Variants in RRAGA observed in about 807,000 individuals in gnomAD.
RRAGA encodes the protein Ras related GTP binding A.
Under a neutral mutation model 20.5 loss-of-function variants are expected in RRAGA, and 11 were observed. The ratio of observed to expected loss-of-function variants is 0.54; its 90% confidence interval spans 0.34 to 0.89. The LOEUF is 0.89. Ranked by LOEUF, RRAGA falls within the 40% of genes least tolerant of loss-of-function variation. The pLI is 0.02. For synonymous variants in RRAGA, 184 were observed against 155.4 expected, an observed-to-expected ratio of 1.18 and a Z score of -1.37; for missense variants, 214 against 400.7, an observed-to-expected ratio of 0.53 and a Z score of 3.98.
rs1158651654 is a variant in RRAGA, at chr9:19,050,522, T to G, written c.863T>G (p.Ile288Ser). 1 of 1,614,184 alleles carries G rather than the reference T, an allele frequency of 6.2e-7. No homozygotes were observed. Among genetic ancestry groups the G allele is most frequent in the South Asian group, 1.1e-5 (1 of 91,080 alleles). Residue 288 changes from isoleucine to serine, a missense_variant, in exon 1 of 1, where the codon ATC (isoleucine) becomes AGC (serine). By Grantham distance (142) the Ile-to-Ser change is moderately radical (BLOSUM62 -2). Coordinates refer to ENST00000380527, the MANE Select transcript of RRAGA (RefSeq NM_006570.5). ...TCGATCCCTTCTGCGGCCACTCTGATCAACATTCGCAATGCCCGGAAACAC... is the reference window on the plus strand; with the variant it reads ...TCGATCCCTTCTGCGGCCACTCTGAGCAACATTCGCAATGCCCGGAAACAC... ...DPSIPSAATLINIRNARKHFE... is the reference protein window; with the variant it reads ...DPSIPSAATLSNIRNARKHFE...
Position 19,049,676 on chromosome 9 carries a change from T to C in RRAGA, c.17T>C (p.Met6Thr). 1 of 1,613,480 alleles carries C rather than the reference T, an allele frequency of 6.2e-7. No individual in the cohort carries two copies. Among genetic ancestry groups the C allele is most frequent in the Non-Finnish European group, 8.5e-7 (1 of 1,179,610 alleles). MPNTA[M>T]KKKVLLMGKS... The stretch of plus-strand genomic sequence containing the variant: ...CGGCGGGTGATGCCAAATACAGCCA[T>C]GAAGAAAAAGGTGCTGCTGATGGGG... The change falls in exon 1 of 1, where the codon ATG (methionine) becomes ACG (threonine). Residue 6 changes from methionine to threonine, a missense_variant. This residue lies in a region of RRAGA where 18 missense variants were observed against 16.9 expected (regional missense o/e 1.07). Coordinates refer to ENST00000380527, the MANE Select transcript of RRAGA (RefSeq NM_006570.5). This position sits in a 1 kb window ranked among gnomAD's most constrained non-coding sequence, Gnocchi z 5.4.
At position 19,050,328 on chromosome 9, in the gene RRAGA, C is replaced by T. The variant is rs1485967294; in HGVS notation, c.669C>T (p.Arg223=). 3 of 1,614,152 alleles carry T rather than the reference C, an allele frequency of 1.9e-6. No homozygotes were observed. Among genetic ancestry groups the T allele is most frequent in the Non-Finnish European group, 2.5e-6 (3 of 1,180,044 alleles). ...CCCACTACCAGTGCAAAGAGCAGCG[C>T]GACGTCCACCGGTTTGAGAAGATCA... The part of the protein sequence containing the change: ...VISHYQCKEQ[R]DVHRFEKISN... The change falls in exon 1 of 1, where the codon CGC becomes CGT. Residue 223 remains arginine (R), a synonymous_variant. Coordinates refer to ENST00000380527, the MANE Select transcript of RRAGA (RefSeq NM_006570.5).
At position 19,050,030 on chromosome 9, in the gene RRAGA, GC is replaced by G; in HGVS notation, c.373del (p.Leu125TrpfsTer15). 6.2e-7 allele frequency: 1 copy of G among 1,614,166 alleles called. No individual in the cohort carries two copies. Among genetic ancestry groups the G allele is most frequent in the Non-Finnish European group, 8.5e-7 (1 of 1,180,032 alleles). On this transcript the variant is annotated frameshift_variant, in exon 1 of 1. Transcript: ENST00000380527. LOFTEE classifies it high-confidence loss of function. ...AACTCTCCTGACGCCAAAATCTTCT[GC>G]CTGGTGCACAAAATGGATCTGGTTC... is the stretch of plus-strand genomic sequence containing the variant. ...LQNSPDAKIF[C>X]LVHKMDLVQE...
rs1420766783 is a variant in RRAGA at position 19,049,941 on chromosome 9, G to A, written c.282G>A (p.Val94=). The A allele has an allele frequency of 6.2e-7, 1 of 1,614,152 alleles. No homozygotes were observed. The highest frequency in any genetic ancestry group is 1.7e-5 in the Admixed American group (1 of 60,014). Residue 94 remains valine (V), a synonymous_variant, in exon 1 of 1, where the codon GTG becomes GTA. Transcript: ENST00000380527. This position sits in a 1 kb window ranked among gnomAD's most constrained non-coding sequence, Gnocchi z 5.4. ...AAGTTTTGATTTACGTGTTTGACGT[G>A]GAGAGCCGCGAACTGGAAAAGGACA... ...NVEVLIYVFD[V]ESRELEKDMH...
At position 19,050,795 on chromosome 9, in the gene RRAGA, A is replaced by G; in HGVS notation, c.*194A>G. 1 of 608,776 alleles carries G rather than the reference A, an allele frequency of 1.6e-6. No homozygotes were observed. The highest frequency in any genetic ancestry group is 2.9e-6 in the Non-Finnish European group (1 of 342,302). The allele number at this position is 608,776 out of a possible 1,614,324, so 37.7% of individuals were successfully genotyped here. A position where few individuals can be genotyped will look rare whatever the true frequency, so the allele number is the denominator to read the frequency against. On this transcript the variant is annotated 3_prime_UTR_variant, in exon 1 of 1. Coordinates refer to ENST00000380527, the MANE Select transcript of RRAGA (RefSeq NM_006570.5). Reference sequence around the variant, plus strand: ...TACTCAGCTACCCAGTAGAGCTTGAAGCTGACCTTTCTGAGAAGTTGGTAT... The same window carrying G: ...TACTCAGCTACCCAGTAGAGCTTGAGGCTGACCTTTCTGAGAAGTTGGTAT...
In RRAGA at chr9:19,049,800, C is replaced by T; in HGVS notation, c.141C>T (p.His47=). 1.2e-6 allele frequency: 2 copies of T among 1,614,186 alleles called. No homozygotes were observed. Among genetic ancestry groups the T allele is most frequent in the Non-Finnish European group, 8.5e-7 (1 of 1,180,028 alleles). The part of the protein sequence containing the change: ...RRLGATIDVE[H]SHVRFLGNLV... The stretch of plus-strand genomic sequence containing the variant: ...TGGGGGCCACCATTGACGTGGAACA[C>T]TCCCACGTCCGATTCCTAGGGAACC... Residue 47 remains histidine, a synonymous_variant, in exon 1 of 1, where the codon CAC becomes CAT. Coordinates refer to ENST00000380527, the MANE Select transcript of RRAGA (RefSeq NM_006570.5). The surrounding 1 kb of genome is among the most constrained non-coding windows in gnomAD (Gnocchi z 5.4).
chr9:19,049,969 C>CATT lies in RRAGA; in HGVS notation c.315_317dup (p.Tyr106dup), dbSNP rs1312845606. 6.2e-7 allele frequency: 1 copy of CATT among 1,614,134 alleles called. No homozygotes were observed. On this transcript the variant is annotated inframe_insertion, in exon 1 of 1. Coordinates refer to ENST00000380527, the MANE Select transcript of RRAGA (RefSeq NM_006570.5). This position sits in a 1 kb window ranked among gnomAD's most constrained non-coding sequence, Gnocchi z 5.4. ...GAGCCGCGAACTGGAAAAGGACATG[C>CATT]ATTATTACCAGTCGTGTCTGGAGGC...
chr9:19,050,019 C>G lies in RRAGA; in HGVS notation c.360C>G (p.Ala120=). The G allele has an allele frequency of 6.2e-7, 1 of 1,614,172 alleles. No individual in the cohort carries two copies. The highest frequency in any genetic ancestry group is 8.5e-7 in the Non-Finnish European group (1 of 1,180,034). ...LEAILQNSPD[A]KIFCLVHKMD... ...CCATCCTCCAGAACTCTCCTGACGCCAAAATCTTCTGCCTGGTGCACAAAA... is the reference window on the plus strand; with the variant it reads ...CCATCCTCCAGAACTCTCCTGACGCGAAAATCTTCTGCCTGGTGCACAAAA... Residue 120 remains alanine, a synonymous_variant, in exon 1 of 1, where the codon GCC becomes GCG. Coordinates refer to ENST00000380527, the MANE Select transcript of RRAGA (RefSeq NM_006570.5).
rs374326262 is a variant in RRAGA, at chr9:19,049,651, C to A, written c.-9C>A. On this transcript the variant is annotated 5_prime_UTR_variant, in exon 1 of 1. Coordinates refer to ENST00000380527, the MANE Select transcript of RRAGA (RefSeq NM_006570.5). The surrounding 1 kb of genome is among the most constrained non-coding windows in gnomAD (Gnocchi z 5.4). ...CCCTCAGGCCCAGTCCGCGGTGCCC[C>A]GGCGGGTGATGCCAAATACAGCCAT... 6.2e-7 allele frequency: 1 copy of A among 1,602,502 alleles called. No homozygotes were observed.
Position 19,049,654 on chromosome 9 carries a change from C to A in RRAGA, c.-6C>A. ...TCAGGCCCAGTCCGCGGTGCCCCGG[C>A]GGGTGATGCCAAATACAGCCATGAA... On this transcript the variant is annotated 5_prime_UTR_variant, in exon 1 of 1. Transcript: ENST00000380527. The surrounding 1 kb of genome is among the most constrained non-coding windows in gnomAD (Gnocchi z 5.4). The A allele has an allele frequency of 1.9e-6, 3 of 1,604,088 alleles. No individual in the cohort carries two copies. Among genetic ancestry groups the A allele is most frequent in the Non-Finnish European group, 2.6e-6 (3 of 1,173,780 alleles).
At position 19,049,692 on chromosome 9, in the gene RRAGA, G is replaced by A. The variant is rs762716867; in HGVS notation, c.33G>A (p.Leu11=). The change falls in exon 1 of 1, where the codon CTG becomes CTA. Residue 11 remains leucine, a synonymous_variant. Transcript: ENST00000380527. The surrounding 1 kb of genome is among the most constrained non-coding windows in gnomAD (Gnocchi z 5.4). The stretch of plus-strand genomic sequence containing the variant: ...ATACAGCCATGAAGAAAAAGGTGCT[G>A]CTGATGGGGAAGAGCGGGTCGGGGA... The part of the protein sequence containing the change: MPNTAMKKKV[L]LMGKSGSGKT... 6.2e-7 allele frequency: 1 copy of A among 1,613,920 alleles called. No individual in the cohort carries two copies. Among genetic ancestry groups the A allele is most frequent in the Non-Finnish European group, 8.5e-7 (1 of 1,179,940 alleles).
chr9:19,050,495 C>G lies in RRAGA; in HGVS notation c.836C>G (p.Pro279Arg), dbSNP rs1836327322. 3 of 1,614,106 alleles carry G rather than the reference C, an allele frequency of 1.9e-6. No individual in the cohort carries two copies. The highest frequency in any genetic ancestry group is 2.5e-6 in the Non-Finnish European group (3 of 1,180,014). The change falls in exon 1 of 1, where the codon CCG becomes CGG. Residue 279 changes from proline to arginine, a missense_variant. Around this residue, in one of 4 missense-constraint regions of RRAGA, gnomAD observed 68 missense variants for 83.9 expected, o/e 0.81. Transcript: ENST00000380527. ...TACGTGATGGTGGTCATGTCAGATC[C>G]GTCGATCCCTTCTGCGGCCACTCTG... ...NTYVMVVMSD[P>R]SIPSAATLIN...
rs762887768 is a variant in RRAGA, at chr9:19,050,605, T to C, written c.*4T>C. 2 of 1,608,610 alleles carry C rather than the reference T, an allele frequency of 1.2e-6. No homozygotes were observed. Among genetic ancestry groups the C allele is most frequent in the Non-Finnish European group, 1.7e-6 (2 of 1,175,844 alleles). ...GCACAGTCTCCTTATGCGTTGAATA[T>C]TGCCAAATGCTCTTTCTGAAAATGC... On this transcript the variant is annotated 3_prime_UTR_variant, in exon 1 of 1. Transcript: ENST00000380527.
Position 19,050,752 on chromosome 9 carries a change from T to A in RRAGA, c.*151T>A. 2.7e-6 allele frequency: 2 copies of A among 747,824 alleles called. No individual in the cohort carries two copies. Among genetic ancestry groups the A allele is most frequent in the Non-Finnish European group, 4.4e-6 (2 of 459,242 alleles). The allele number at this position is 747,824 out of a possible 1,614,324, so 46.3% of individuals were successfully genotyped here. On this transcript the variant is annotated 3_prime_UTR_variant, in exon 1 of 1. Coordinates refer to ENST00000380527, the MANE Select transcript of RRAGA (RefSeq NM_006570.5). ...TCTTTCTCCCCGCTTCCCCAGTCTT[T>A]AAACATTGGACGCTATTTACTCAGC...
At position 19,049,434 on chromosome 9, in the gene RRAGA, C is replaced by T. The variant is rs887612179; in HGVS notation, c.-226C>T. 7 of 439,936 alleles carry T rather than the reference C, an allele frequency of 1.6e-5. No homozygotes were observed. Among genetic ancestry groups the T allele is most frequent in the Admixed American group, 4.3e-5 (1 of 23,056 alleles). 27.3% of individuals were successfully genotyped at this position (439,936 alleles called of 1,614,324 possible). ...CCCTCCCGGAAAGCGAGCGTATCTC[C>T]CGAGCCGTTGCCACTGACAGCCGCG... On this transcript the variant is annotated 5_prime_UTR_variant, in exon 1 of 1. Transcript: ENST00000380527. The surrounding 1 kb of genome is among the most constrained non-coding windows in gnomAD (Gnocchi z 5.4).
chr9:19,050,676 TGTC>T lies in RRAGA; in HGVS notation c.*78_*80del. ...CATCCTTTATTTTTAATATTCATAATGTCGTGTGCTTAAAAGTGGGCTTTGAAG... is the reference window on the plus strand; with the variant it reads ...CATCCTTTATTTTTAATATTCATAATGTGTGCTTAAAAGTGGGCTTTGAAG... On this transcript the variant is annotated 3_prime_UTR_variant, in exon 1 of 1. Coordinates refer to ENST00000380527, the MANE Select transcript of RRAGA (RefSeq NM_006570.5). 1.4e-6 allele frequency: 2 copies of T among 1,408,774 alleles called. No homozygotes were observed. Among genetic ancestry groups the T allele is most frequent in the South Asian group, 2.5e-5 (2 of 79,642 alleles). 87.3% of individuals were successfully genotyped at this position (1,408,774 alleles called of 1,614,324 possible).
Position 19,049,605 on chromosome 9 carries a change from C to G in RRAGA, c.-55C>G. Reference sequence around the variant, plus strand: ...CCCCGGCAGCCCCCGACCCCTCCCTCGGCGCTGCGTGTAGGCCGCGCCCTC... The same window carrying G: ...CCCCGGCAGCCCCCGACCCCTCCCTGGGCGCTGCGTGTAGGCCGCGCCCTC... On this transcript the variant is annotated 5_prime_UTR_variant, in exon 1 of 1. Transcript: ENST00000380527. This position sits in a 1 kb window ranked among gnomAD's most constrained non-coding sequence, Gnocchi z 5.4. 7.3e-7 allele frequency: 1 copy of G among 1,378,624 alleles called. No individual in the cohort carries two copies. Among genetic ancestry groups the G allele is most frequent in the Non-Finnish European group, 9.9e-7 (1 of 1,008,648 alleles). The allele number at this position is 1,378,624 out of a possible 1,614,324, so 85.4% of individuals were successfully genotyped here.
rs1457923237 is a variant in RRAGA, at chr9:19,049,488, C to A, written c.-172C>A. On this transcript the variant is annotated 5_prime_UTR_variant, in exon 1 of 1. Transcript: ENST00000380527. This position sits in a 1 kb window ranked among gnomAD's most constrained non-coding sequence, Gnocchi z 5.4. ...GCTCCCATCTGAGTAAGAGCCAGCC[C>A]GTCCGCGGCCTCTCCAGCCCCGGGT... The A allele has an allele frequency of 3.7e-6, 2 of 544,252 alleles. No individual in the cohort carries two copies. Among genetic ancestry groups the A allele is most frequent in the South Asian group, 2.4e-5 (1 of 41,580 alleles). The allele number at this position is 544,252 out of a possible 1,614,324, so 33.7% of individuals were successfully genotyped here. A position where few individuals can be genotyped will look rare whatever the true frequency, so the allele number is the denominator to read the frequency against.
chr9:19,050,195 A>C lies in RRAGA; in HGVS notation c.536A>C (p.Gln179Pro), dbSNP rs1564002070. 6.2e-7 allele frequency: 1 copy of C among 1,613,990 alleles called. No individual in the cohort carries two copies. Residue 179 changes from glutamine (Q) to proline (P), a missense_variant, in exon 1 of 1, where the codon CAG becomes CCG. By Grantham distance (76) the Gln-to-Pro change is moderately conservative (BLOSUM62 -1). Transcript: ENST00000380527. ...AAAGCCTGGTCCAGCATCGTCTACC[A>C]GCTGATTCCCAACGTTCAGCAGCTG... ...LYKAWSSIVYQLIPNVQQLEM... is the reference protein window; with the variant it reads ...LYKAWSSIVYPLIPNVQQLEM...
Sources: allele counts gnomAD v4.1 joint callset, GRCh38; gene constraint gnomAD v4.1.1; regional missense constraint gnomAD v4.1.1; non-coding constraint Gnocchi (gnomAD v3.1); transcripts MANE v1.5; gene names NCBI Gene and HGNC (gene_info 2026-07-23, HGNC 2026-07-21).